POLR2F: variants seen among roughly 807,000 people sequenced by gnomAD.
POLR2F encodes the protein RNA polymerase II, I and III subunit F.
Under a neutral mutation model 22.7 loss-of-function variants are expected in POLR2F, and 12 were observed. The observed-to-expected ratio is 0.53, with a 90% CI of 0.34 to 0.86. The LOEUF (loss-of-function observed/expected upper bound fraction) is 0.86. POLR2F is among the 40% of genes least tolerant of loss of function. POLR2F has a pLI of 0.02. For synonymous variants in POLR2F, 57 were observed against 66.0 expected, an observed-to-expected ratio of 0.86 and a Z score of 0.66; for missense variants, 126 against 171.5, an observed-to-expected ratio of 0.73 and a Z score of 1.48.
chr22:37,988,126 A>G (rs1932634894), intron 1 of POLR2F: 1 of 149,294 alleles, frequency 6.7e-6, no homozygotes, highest in Non-Finnish European at 1.5e-5. Flanking sequence ...GATTGAGACC[A>G]TCCTGGCCAA....
At chr22:38,023,254 C>T (rs1205077788) in intron 1 of POLR2F, among the ~76,000 whole-genome samples, 1 of 152,116 alleles carries the variant, frequency 6.6e-6, no homozygotes, top group African/African-American at 2.4e-5. Context: ...CGTCACTGTG[C>T]ACCCATCTCA....
intron 5 of POLR2F, among the ~76,000 whole-genome samples, chr22:38,035,472 G>A (rs1024497347): frequency 2.0e-5 from 3 of 152,152 alleles, no homozygotes; most frequent in African/African-American, 7.2e-5. Context: ...CCCTTCCCAG[G>A]GCAGGGGGCC....
intron 1 of POLR2F, among the ~76,000 whole-genome samples, chr22:37,955,709 G>T (rs1049195651): frequency 1.3e-5 from 2 of 152,026 alleles, no homozygotes; most frequent in Non-Finnish European, 2.9e-5. Context: ...TTGAGAAGGA[G>T]TCTCGCTGTG....
At chr22:38,036,770 C>T (rs1427816534) in intron 5 of POLR2F, among the ~76,000 whole-genome samples, 1 of 152,032 alleles carries the variant, frequency 6.6e-6, no homozygotes, top group South Asian at 2.1e-4. Context: ...CTTCCCCCAG[C>T]GTTCAGAGCT....
downstream of POLR2F, chr22:37,973,454 G>A (rs1345365040): frequency 3.0e-6 from 4 of 1,333,112 alleles, no homozygotes; most frequent in Non-Finnish European, 4.1e-6. Flanking sequence ...CACAGGCTGG[G>A]GGCAGGGGCT....
chr22:37,956,709 G>A, intron 1 of POLR2F, 64 bp from the exon 2 acceptor site: 4 of 1,272,448 alleles, frequency 3.1e-6, no homozygotes, highest in Non-Finnish European at 4.6e-6. Context: ...GATCCACCGT[G>A]CCTGGCCCCT....
intron 5 of POLR2F, among the ~76,000 whole-genome samples, chr22:38,039,916 C>T (rs2085155057): frequency 6.6e-6 from 1 of 152,122 alleles, no homozygotes; most frequent in African/African-American, 2.4e-5. Context: ...GAAAGGAAGG[C>T]TTCCTGGAGG....
intron 1 of POLR2F, among the ~76,000 whole-genome samples, chr22:38,011,253 ACC>A (rs1429197808): frequency 6.6e-6 from 1 of 150,830 alleles, no homozygotes; most frequent in African/African-American, 2.4e-5. Flanking sequence ...AGGCATTCGC[ACC>A]ATGCCTAGCT....
chr22:38,036,595 C>T (rs1445711755), intron 5 of POLR2F, among the ~76,000 whole-genome samples: 4 of 150,780 alleles, frequency 2.7e-5, no homozygotes, highest in East Asian at 1.9e-4. Context: ...GGTGGGCAAC[C>T]GGGGAGGAGT....
intron 3 of POLR2F, among the ~76,000 whole-genome samples, chr22:37,966,626 T>TA (rs1931861896): frequency 6.6e-6 from 1 of 151,648 alleles, no homozygotes; most frequent in Non-Finnish European, 1.5e-5. Context: ...ATACAAAAAA[T>TA]AAAAAAATTA....
chr22:38,002,052 G>C (rs1380587034), intron 1 of POLR2F, among the ~76,000 whole-genome samples: 1 of 151,904 alleles, frequency 6.6e-6, no homozygotes, highest in Non-Finnish European at 1.5e-5. Context: ...GTTTCACCAT[G>C]TTGGTCAGGC....
At chr22:38,027,683 C>T (rs1008869067), downstream of POLR2F, among the ~76,000 whole-genome samples, 1 of 152,174 alleles carries the variant, frequency 6.6e-6, no homozygotes, top group African/African-American at 2.4e-5. Flanking sequence ...CACGTGTGCA[C>T]ACACACATTC....
upstream of POLR2F, chr22:37,983,607 C>T (rs1439127307): frequency 5.0e-6 from 8 of 1,607,418 alleles, no homozygotes; most frequent in Admixed American, 1.7e-5. The surrounding 1 kb of genome is among the most constrained non-coding windows in gnomAD (Gnocchi z 9.5). Context: ...GCCTCGCCGT[C>T]CTGCTGCTCC....
At chr22:38,012,927 C>T (rs1254714071) in intron 1 of POLR2F, among the ~76,000 whole-genome samples, 1 of 152,126 alleles carries the variant, frequency 6.6e-6, no homozygotes, top group African/African-American at 2.4e-5. Flanking sequence ...AAGATGGTGT[C>T]TGCTCCACTG....
At chr22:37,992,404 C>A (rs1474113637) in intron 1 of POLR2F, among the ~76,000 whole-genome samples, 1 of 144,916 alleles carries the variant, frequency 6.9e-6, no homozygotes, top group African/African-American at 2.6e-5. Flanking sequence ...TTTTTTTTTT[C>A]TAGACAGAGT....
At chr22:37,981,140 C>G (rs1294128675) in intron 4 of POLR2F, among the ~76,000 whole-genome samples, 1 of 152,238 alleles carries the variant, frequency 6.6e-6, no homozygotes, top group African/African-American at 2.4e-5. Flanking sequence ...GCACTCCACA[C>G]AGTCTGTGTG....
chr22:37,990,337 A>C (rs1932699337), intron 1 of POLR2F, among the ~76,000 whole-genome samples: 1 of 151,982 alleles, frequency 6.6e-6, no homozygotes, highest in South Asian at 2.1e-4. Context: ...TTCGCTCCCA[A>C]CTCCATCCTT....
At chr22:37,958,090 C>T (rs1455489303) in intron 2 of POLR2F, among the ~76,000 whole-genome samples, 1 of 152,028 alleles carries the variant, frequency 6.6e-6, no homozygotes, top group African/African-American at 2.4e-5. Context: ...TAGCGCACTA[C>T]AGCCTTGAAC....
At chr22:37,979,345 G>A (rs1007785368) in intron 4 of POLR2F, among the ~76,000 whole-genome samples, 2 of 152,102 alleles carry the variant, frequency 1.3e-5, no homozygotes, top group South Asian at 2.1e-4. Flanking sequence ...TGATCCACCC[G>A]CCTTGGCCTC....
Sources: gnomAD v4.1 joint callset for allele counts (sites outside exome capture counted in the v4.1 genomes callset) on GRCh38, gnomAD v4.1.1 for gene constraint, Gnocchi (gnomAD v3.1) non-coding constraint, MANE v1.5 for transcripts, NCBI Gene and HGNC (gene_info 2026-07-23, HGNC 2026-07-21) for gene names.